The following CAMK2D variants were observed in gnomAD, a reference collection of about 807,000 sequenced individuals.
CAMK2D encodes the protein calcium/calmodulin-dependent protein kinase type II subunit delta.
A neutral mutation model predicts 84.0 loss-of-function variants in CAMK2D; 37 were observed. That is an observed-to-expected ratio of 0.44 (90% confidence interval 0.34 to 0.58). The LOEUF (loss-of-function observed/expected upper bound fraction) is 0.58, where lower values mean the gene tolerates loss of function less well. Among genes scored for constraint, CAMK2D ranks in the 20% least tolerant of loss-of-function variants. The pLI is 0.02. For synonymous variants in CAMK2D, 202 were observed against 212.5 expected (o/e 0.95, Z 0.43); for missense variants, 448 against 652.5 (o/e 0.69, Z 3.41).
In CAMK2D at chr4:113,756,191, G is replaced by C. The variant is rs957148924; in HGVS notation, c.160+3129C>G. 2.0e-5 allele frequency among the ~76,000 whole-genome samples: 3 copies of C among 152,120 alleles called. No individual in the cohort carries two copies. In the South Asian group the frequency reaches 6.2e-4, roughly 32 times the overall value. On this transcript the variant is annotated intron_variant, in intron 2 of 20. Coordinates refer to ENST00000511664, the MANE Select transcript of CAMK2D (RefSeq NM_001321571.2). ...GGAAATCCATTAAAATCTAGGCACAGAAAAATGCCTGGTTGATAGTATAGT... is the reference window on the plus strand; with the variant it reads ...GGAAATCCATTAAAATCTAGGCACACAAAAATGCCTGGTTGATAGTATAGT...
intron 4 of CAMK2D, among the ~76,000 whole-genome samples, chr4:113,562,293 A>G (rs918057291): frequency 1.3e-5 from 2 of 152,234 alleles, no homozygotes; most frequent in Non-Finnish European, 2.9e-5. Flanking sequence ...ACAGCCAAGC[A>G]GAGGCATGCC....
intron 2 of CAMK2D, among the ~76,000 whole-genome samples, chr4:113,743,366 G>A (rs1056747479): frequency 1.3e-5 from 2 of 152,210 alleles, no homozygotes; most frequent in African/African-American, 2.4e-5. Flanking sequence ...CTGAGCCACA[G>A]GTTCTGGGAG....
intron 3 of CAMK2D, among the ~76,000 whole-genome samples, chr4:113,620,119 A>C (rs140777932): frequency 2.6e-5 from 4 of 152,176 alleles, no homozygotes; most frequent in Non-Finnish European, 5.9e-5. Flanking sequence ...GGGTTGGGTA[A>C]GGATGGAGGT....
chr4:113,455,795 T>C lies in CAMK2D; in HGVS notation c.1562A>G (p.Glu521Gly), dbSNP rs969953638. Reference sequence around the variant, plus strand: ...CAAAGAGGTGCCTCCTGAGAAGTTTTCTTTCCCATTTGGAATACAGGGTGG... The same window carrying C: ...CAAAGAGGTGCCTCCTGAGAAGTTTCCTTTCCCATTTGGAATACAGGGTGG... The part of the protein sequence containing the change: ...IKPPCIPNGK[E>G]NFSGGTSLWQ... Residue 521 changes from glutamate to glycine, a missense_variant, in exon 20 of 21, where the codon GAA becomes GGA. Physicochemically the swap from Glu to Gly is moderately conservative, Grantham distance 98 (BLOSUM62 -2). This residue lies in a region of CAMK2D where 219 missense variants were observed against 272.1 expected (regional missense o/e 0.80). Coordinates refer to ENST00000511664, the MANE Select transcript of CAMK2D (RefSeq NM_001321571.2). The C allele has an allele frequency of 1.2e-6, 2 of 1,612,098 alleles. No homozygotes were observed. Among genetic ancestry groups the C allele is most frequent in the African/African-American group, 2.7e-5 (2 of 74,856 alleles).
At chr4:113,638,747 A>T (rs1220757714) in intron 3 of CAMK2D, among the ~76,000 whole-genome samples, 1 of 152,148 alleles carries the variant, frequency 6.6e-6, no homozygotes, top group Non-Finnish European at 1.5e-5. Context: ...TCTGTCACCA[A>T]CTTAATTCAG....
intron 16 of CAMK2D, among the ~76,000 whole-genome samples, chr4:113,478,126 T>C (rs2097653747): frequency 6.6e-6 from 1 of 151,976 alleles, no homozygotes; most frequent in African/African-American, 2.4e-5. Context: ...AAACTGGAGA[T>C]AACATGAAAA....
intron 3 of CAMK2D, among the ~76,000 whole-genome samples, chr4:113,651,912 T>C (rs897178850): frequency 1.3e-5 from 2 of 152,178 alleles, no homozygotes. Flanking sequence ...ATTAGTTCTA[T>C]AATACCTATA....
rs551328853 is a variant in CAMK2D, at chr4:113,637,172, A to G, written c.220+24541T>C. ...CCCCTGTTCCCAGAATAGAAGCAGT[A>G]TAAGGGCAAAGAATTTTGTCAGCTT... is the stretch of plus-strand genomic sequence containing the variant. On this transcript the variant is annotated intron_variant, in intron 3 of 20. Transcript: ENST00000511664. Among the ~76,000 whole-genome samples, 4 of 152,312 alleles carry G rather than the reference A, an allele frequency of 2.6e-5. No homozygotes were observed. The South Asian group carries it at 6.2e-4, about 24-fold the overall frequency.
At chr4:113,462,224 A>G (rs957490184) in intron 17 of CAMK2D, among the ~76,000 whole-genome samples, 3 of 151,692 alleles carry the variant, frequency 2.0e-5, no homozygotes, top group African/African-American at 7.3e-5. Context: ...GCCATGATGG[A>G]TCTTCTTACC....
chr4:113,726,366 T>C (rs536272673), intron 2 of CAMK2D, among the ~76,000 whole-genome samples: 3 of 149,890 alleles, frequency 2.0e-5, no homozygotes, highest in Non-Finnish European at 4.4e-5. Flanking sequence ...TTGCTTGTTT[T>C]GCTTGGGCTT....
chr4:113,701,213 A>G (rs961878890), intron 2 of CAMK2D, among the ~76,000 whole-genome samples: 10 of 152,224 alleles, frequency 6.6e-5, no homozygotes, highest in Non-Finnish European at 1.2e-4. Flanking sequence ...CTTATAGCTT[A>G]TCATTTCAAA....
chr4:113,555,244 C>T (rs1219816745), intron 4 of CAMK2D, among the ~76,000 whole-genome samples: 1 of 152,038 alleles, frequency 6.6e-6, no homozygotes, highest in Non-Finnish European at 1.5e-5. Context: ...AAAATGGTGC[C>T]ACATTAACCC....
intron 2 of CAMK2D, among the ~76,000 whole-genome samples, chr4:113,757,816 T>C (rs976434489): frequency 6.6e-6 from 1 of 152,234 alleles, no homozygotes; most frequent in African/African-American, 2.4e-5. Context: ...GTAAAATGTA[T>C]GTGACCAGGG....
chr4:113,715,821 C>T (rs376058032), intron 2 of CAMK2D, among the ~76,000 whole-genome samples: 4 of 152,142 alleles, frequency 2.6e-5, no homozygotes, highest in East Asian at 3.9e-4. Flanking sequence ...CAGGGCACTA[C>T]TATTCCACAA....
chr4:113,503,149 C>T (rs970848608), intron 14 of CAMK2D, 172 bp from the exon 15 acceptor site: 3 of 723,584 alleles, frequency 4.1e-6, no homozygotes, highest in Non-Finnish European at 7.6e-6. Context: ...TGAAAGATCT[C>T]CCTGGCGAGG....
chr4:113,595,536 A>G (rs1430264137), intron 4 of CAMK2D, among the ~76,000 whole-genome samples: 1 of 151,826 alleles, frequency 6.6e-6, no homozygotes, highest in East Asian at 1.9e-4. Context: ...GAAGACTAAC[A>G]TTTTGTTATT....
intron 2 of CAMK2D, among the ~76,000 whole-genome samples, chr4:113,727,489 TG>T (rs1475346751): frequency 6.6e-6 from 1 of 152,148 alleles, no homozygotes; most frequent in African/African-American, 2.4e-5. Context: ...AAAAGAACTT[TG>T]CTCTTTACCT....
intron 13 of CAMK2D, among the ~76,000 whole-genome samples, chr4:113,506,224 C>T (rs1038048625): frequency 6.6e-6 from 1 of 152,018 alleles, no homozygotes; most frequent in African/African-American, 2.4e-5. Context: ...CCTGTCAAAA[C>T]TAGTATTGAG....
chr4:113,488,490 T>C (rs1358058077), intron 16 of CAMK2D, among the ~76,000 whole-genome samples: 2 of 152,140 alleles, frequency 1.3e-5, no homozygotes, highest in Admixed American at 1.3e-4. Context: ...AATGGAACAG[T>C]AGGTATAAGT....
Sources: gnomAD v4.1 joint callset for allele counts (sites outside exome capture counted in the v4.1 genomes callset) on GRCh38, gnomAD v4.1.1 for gene constraint, gnomAD v4.1.1 regional missense constraint, MANE v1.5 for transcripts, NCBI Gene and HGNC (gene_info 2026-07-23, HGNC 2026-07-21) for gene names.